SSBP3: variants seen among roughly 807,000 people sequenced by gnomAD.
SSBP3 encodes the protein single stranded DNA binding protein 3, also known as single-stranded DNA-binding protein 3.
SSBP3 carries 5 observed loss-of-function variants against 69.6 expected under a neutral mutation model. That is an observed-to-expected ratio of 0.07 (90% CI 0.04 to 0.15). The LOEUF is 0.15. SSBP3 is among the 10% of genes least tolerant of loss of function. The pLI is 1.00. For missense variants in SSBP3, 312 were observed against 534.0 expected, an observed-to-expected ratio of 0.58 and a Z score of 4.10; for synonymous variants, 196 against 193.4, an observed-to-expected ratio of 1.01 and a Z score of -0.11.
intron 4 of SSBP3, among the ~76,000 whole-genome samples, chr1:54,340,994 AC>A (rs1326205941): frequency 6.6e-6 from 1 of 152,232 alleles, no homozygotes; most frequent in Non-Finnish European, 1.5e-5. Context: ...GTGTTTTGAG[AC>A]CAGCAACTTA....
chr1:54,392,185 C>T (rs543100549), intron 4 of SSBP3, among the ~76,000 whole-genome samples: 1 of 152,290 alleles, frequency 6.6e-6, no homozygotes, highest in East Asian at 1.9e-4. Context: ...TACCAAGTGC[C>T]CGCCAGGCAC....
chr1:54,264,812 T>C (rs571062235), intron 5 of SSBP3, among the ~76,000 whole-genome samples: 27 of 152,252 alleles, frequency 1.8e-4, no homozygotes, highest in Admixed American at 5.9e-4. Context: ...TTTTAGGTTG[T>C]TAAGAGATAA....
chr1:54,394,356 G>A lies in SSBP3; in HGVS notation c.276+7505C>T, dbSNP rs1570041344. On this transcript the variant is annotated intron_variant, in intron 4 of 17. Transcript: ENST00000610401. ...AATATATATTTCGTTACAACACAGG[G>A]GTGGGACTGTTTACCTCCCCCCACT... Among the ~76,000 whole-genome samples, 3 of 152,060 alleles carry A rather than the reference G, an allele frequency of 2.0e-5. No homozygotes were observed. In the South Asian group the frequency reaches 6.2e-4, roughly 32 times the overall value.
At position 54,247,441 on chromosome 1, in the gene SSBP3, G is replaced by A. The variant is rs543736445; in HGVS notation, c.652-4142C>T. Among the ~76,000 whole-genome samples, 8 of 152,274 alleles carry A rather than the reference G, an allele frequency of 5.3e-5. No individual in the cohort carries two copies. In the East Asian group the frequency reaches 1.5e-3, roughly 29 times the overall value. On this transcript the variant is annotated intron_variant, in intron 9 of 17. Coordinates refer to ENST00000610401, the Ensembl canonical transcript of SSBP3. ...GACCACCAGAGAAAGTTCCTCAAGG[G>A]GCCCTTTTCCTTCCTCACCAGCTCG...
chr1:54,271,614 G>T (rs1277629444), intron 5 of SSBP3, among the ~76,000 whole-genome samples: 3 of 644 alleles, frequency 4.7e-3, no homozygotes, highest in African/African-American at 0.1. Flanking sequence ...CCTCCCTGAC[G>T]GCCGAGCTGG....
chr1:54,265,326 T>G (rs1020982826), intron 5 of SSBP3, among the ~76,000 whole-genome samples: 1 of 151,998 alleles, frequency 6.6e-6, no homozygotes, highest in Non-Finnish European at 1.5e-5. Context: ...GTGTGTGTTA[T>G]GTAGGGTGTG....
intron 4 of SSBP3, among the ~76,000 whole-genome samples, chr1:54,346,513 A>G (rs1335506096): frequency 2.0e-5 from 3 of 151,972 alleles, no homozygotes; most frequent in Non-Finnish European, 2.9e-5. Context: ...ATGGGCTCTT[A>G]TTTAGAAATA....
chr1:54,261,081 C>T (rs1407137451), intron 5 of SSBP3, among the ~76,000 whole-genome samples: 1 of 152,234 alleles, frequency 6.6e-6, no homozygotes, highest in Non-Finnish European at 1.5e-5. Flanking sequence ...TCTGCTACCT[C>T]CACTCAGCCC....
intron 4 of SSBP3, among the ~76,000 whole-genome samples, chr1:54,321,724 T>C (rs1646217208): frequency 6.6e-6 from 1 of 152,222 alleles, no homozygotes; most frequent in African/African-American, 2.4e-5. Flanking sequence ...CCGACTAGCA[T>C]CACTCACGCA....
intron 17 of SSBP3, among the ~76,000 whole-genome samples, chr1:54,227,667 T>C (rs1402463906): frequency 6.6e-6 from 1 of 152,146 alleles, no homozygotes; most frequent in African/African-American, 2.4e-5. Context: ...AGCCTCAACC[T>C]CCTGGGCTCA....
At chr1:54,251,753 T>G (rs1365950003) in intron 8 of SSBP3, 41 bp downstream of exon 8, 4 of 1,599,794 alleles carry the variant, frequency 2.5e-6, no homozygotes, top group Non-Finnish European at 3.4e-6. Context: ...GAGCCCCTCC[T>G]GGCATCCCCA....
Position 54,404,852 on chromosome 1 carries a change from A to C in SSBP3, c.129+6T>G, listed in dbSNP as rs1649592716. ...GAAATTGGATGCTGGGGGGAGTCCCACTCACCTCCGATAAGAAGGTCTGTG... is the reference window on the plus strand; with the variant it reads ...GAAATTGGATGCTGGGGGGAGTCCCCCTCACCTCCGATAAGAAGGTCTGTG... On this transcript the variant is annotated splice_donor_region_variant and intron_variant, in intron 2 of 17. Coordinates refer to ENST00000610401, the Ensembl canonical transcript of SSBP3. 1 of 1,589,136 alleles carries C rather than the reference A, an allele frequency of 6.3e-7. No individual in the cohort carries two copies. The highest frequency in any genetic ancestry group is 1.4e-5 in the African/African-American group (1 of 71,588).
chr1:54,282,621 C>T (rs960187675), intron 4 of SSBP3, among the ~76,000 whole-genome samples: 2 of 152,206 alleles, frequency 1.3e-5, no homozygotes, highest in Non-Finnish European at 2.9e-5. Context: ...TGTGCCTGGC[C>T]CCGTGCTCAC....
chr1:54,257,505 G>T (rs915679849), intron 6 of SSBP3, among the ~76,000 whole-genome samples: 2 of 152,108 alleles, frequency 1.3e-5, no homozygotes, highest in African/African-American at 4.8e-5. Flanking sequence ...CTCTGCTCTC[G>T]GTAAGGGCAA....
At chr1:54,399,387 G>A (rs1649130409) in intron 4 of SSBP3, among the ~76,000 whole-genome samples, 2 of 152,218 alleles carry the variant, frequency 1.3e-5, no homozygotes, top group Admixed American at 6.5e-5. Flanking sequence ...ACCACTGTGT[G>A]CCTCAGCTGC....
chr1:54,290,029 G>A (rs1346810390), intron 4 of SSBP3, among the ~76,000 whole-genome samples: 2 of 152,182 alleles, frequency 1.3e-5, no homozygotes, highest in African/African-American at 4.8e-5. Flanking sequence ...AGGAGTAAAG[G>A]CACTTGTCCA....
chr1:54,238,367 T>C (rs1352699619), intron 14 of SSBP3: 1 of 468,924 alleles, frequency 2.1e-6, no homozygotes, highest in African/African-American at 2.0e-5. Flanking sequence ...TTTCAGACCC[T>C]GAGCTCCTGG....
intron 4 of SSBP3, among the ~76,000 whole-genome samples, chr1:54,383,000 AAG>A (rs796166893): frequency 6.0e-5 from 9 of 150,800 alleles, no homozygotes; most frequent in African/African-American, 1.2e-4. Context: ...AAAAAAAAAA[AAG>A]AAGAGAGAGA....
Position 54,313,435 on chromosome 1 carries a change from C to CTTT in SSBP3, c.277-31911_277-31909dup, listed in dbSNP as rs752753963. Among the ~76,000 whole-genome samples, 167 of 86,416 alleles carry CTTT rather than the reference C, an allele frequency of 1.9e-3. 4 individuals carry two copies. Among genetic ancestry groups the CTTT allele is most frequent in the African/African-American group, 5.5e-3 (133 of 24,022 alleles). The allele number at this position is 86,416 out of a possible 152,430, so 56.7% of individuals were successfully genotyped here. A position where few individuals can be genotyped will look rare whatever the true frequency, so the allele number is the denominator to read the frequency against. ...CTCACACCGAAGCTGTGTGCCTGTG[C>CTTT]TTTTTTTTTTTTTTTTTTTTTTTTT... On this transcript the variant is annotated intron_variant, in intron 4 of 17. Coordinates refer to ENST00000610401, the Ensembl canonical transcript of SSBP3.
Sources: allele counts gnomAD v4.1 joint callset (sites outside exome capture counted in the v4.1 genomes callset), GRCh38; gene constraint gnomAD v4.1.1; transcripts MANE v1.5; gene names NCBI Gene and HGNC (gene_info 2026-07-23, HGNC 2026-07-21).